ASTN2: variants seen among roughly 807,000 people sequenced by gnomAD.
The protein encoded by ASTN2 is astrotactin 2.
ASTN2 carries 54 observed loss-of-function variants against 139.8 expected under a neutral mutation model. That is an observed-to-expected ratio of 0.39 (90% CI 0.31 to 0.48). ASTN2 has a LOEUF of 0.48. ASTN2 is among the 20% of genes least tolerant of loss of function. The pLI is 0.95. For missense variants in ASTN2, 1,565 were observed against 1,725.1 expected (o/e 0.91, Z 1.64); for synonymous variants, 756 against 719.5 (o/e 1.05, Z -0.81).
chr9:116,965,217 T>C (rs1489171053), intron 10 of ASTN2, among the ~76,000 whole-genome samples: 2 of 152,252 alleles, frequency 1.3e-5, no homozygotes, highest in Non-Finnish European at 2.9e-5. Context: ...GCTCGGTTAA[T>C]GGCTGCCGTC....
chr9:117,403,559 C>T (rs1468143203), intron 1 of ASTN2, among the ~76,000 whole-genome samples: 2 of 152,058 alleles, frequency 1.3e-5, no homozygotes, highest in Non-Finnish European at 2.9e-5. Flanking sequence ...CCCTCCTCCG[C>T]CCTCAGCCAC....
intron 10 of ASTN2, among the ~76,000 whole-genome samples, chr9:116,919,887 G>A (rs112252007): frequency 0.028 from 4,136 of 149,726 alleles, 209 homozygotes; most frequent in African/African-American, 0.098. Flanking sequence ...GCTGCAGTGA[G>A]CTGAGATCAC....
intron 13 of ASTN2, among the ~76,000 whole-genome samples, chr9:116,758,193 A>G (rs1829583862): frequency 6.6e-6 from 1 of 152,204 alleles, no homozygotes; most frequent in Admixed American, 6.5e-5. Context: ...TAAGAAGTCA[A>G]TTAATATTGC....
chr9:117,208,197 T>C (rs892226178), intron 3 of ASTN2, among the ~76,000 whole-genome samples: 2 of 152,046 alleles, frequency 1.3e-5, no homozygotes, highest in Non-Finnish European at 2.9e-5. Context: ...AAAAATTAAA[T>C]AATAATTTTA....
intron 11 of ASTN2, among the ~76,000 whole-genome samples, chr9:116,840,033 GTGTT>G (rs1319498197): frequency 2.0e-5 from 3 of 148,544 alleles, no homozygotes; most frequent in Non-Finnish European, 4.4e-5. Context: ...GCCTTCCACA[GTGTT>G]TGTGTCCCTG....
chr9:117,182,629 G>A (rs1444426115), intron 3 of ASTN2, among the ~76,000 whole-genome samples: 1 of 152,168 alleles, frequency 6.6e-6, no homozygotes, highest in Non-Finnish European at 1.5e-5. Flanking sequence ...CTCAGACTAA[G>A]CTGTTCTCTG....
intron 2 of ASTN2, among the ~76,000 whole-genome samples, chr9:117,227,476 G>GTGGATGGA (rs1018968988): frequency 6.6e-6 from 1 of 152,122 alleles, no homozygotes; most frequent in Non-Finnish European, 1.5e-5. Flanking sequence ...GCAGGGATGG[G>GTGGATGGA]TGGATGGATG....
chr9:116,482,356 TACCCTA>T lies in ASTN2; in HGVS notation c.3497+4997_3497+5002del, dbSNP rs1380020945. ...AAAACAAAACAAAACAAAAAAACAC[TACCCTA>T]TCTCTAGGTTTATCATGAGAATTGA... On this transcript the variant is annotated intron_variant, in intron 20 of 22. Coordinates refer to ENST00000313400, the MANE Select transcript of ASTN2 (RefSeq NM_001365068.1). 3.9e-5 allele frequency among the ~76,000 whole-genome samples: 6 copies of T among 152,084 alleles called. No homozygotes were observed. In the East Asian group the frequency reaches 1.2e-3, roughly 29 times the overall value.
intron 2 of ASTN2, among the ~76,000 whole-genome samples, chr9:117,231,828 G>A (rs746095249): frequency 2.0e-5 from 3 of 152,118 alleles, no homozygotes; most frequent in Non-Finnish European, 2.9e-5. Context: ...CATTTCTCAG[G>A]CCATTACAAA....
intron 16 of ASTN2, among the ~76,000 whole-genome samples, chr9:116,672,818 G>A (rs1404140182): frequency 6.6e-6 from 1 of 152,270 alleles, no homozygotes; most frequent in Non-Finnish European, 1.5e-5. Flanking sequence ...GGGTGGTGTT[G>A]GGGTTCTGTC....
At chr9:117,297,314 G>A (rs1277821407) in intron 1 of ASTN2, among the ~76,000 whole-genome samples, 1 of 152,200 alleles carries the variant, frequency 6.6e-6, no homozygotes, top group Non-Finnish European at 1.5e-5. Flanking sequence ...GAAAGGTAGT[G>A]GTGTTGACTT....
intron 1 of ASTN2, among the ~76,000 whole-genome samples, chr9:117,410,979 T>C (rs1231125845): frequency 6.6e-6 from 1 of 152,196 alleles, no homozygotes; most frequent in Non-Finnish European, 1.5e-5. Flanking sequence ...TTGTTATCCC[T>C]CTCTATTCAG....
chr9:116,690,740 C>G (rs577667095), intron 16 of ASTN2, among the ~76,000 whole-genome samples: 2 of 152,248 alleles, frequency 1.3e-5, no homozygotes, highest in South Asian at 4.2e-4. Flanking sequence ...AGACCTTGGA[C>G]AGGCTACTTT....
rs1029412675 is a variant in ASTN2, at chr9:116,699,915, C to T, written c.2806+25856G>A. The T allele has an allele frequency of 2.9e-6, 2 of 686,860 alleles. No homozygotes were observed. Among genetic ancestry groups the T allele is most frequent in the African/African-American group, 1.8e-5 (1 of 55,232 alleles). The allele number at this position is 686,860 out of a possible 1,614,324, so 42.5% of individuals were successfully genotyped here. ...TAAATTTAGAGCTTTAAAAGATGCA[C>T]TGCCCAAATAGGACACACGATGGTG... On this transcript the variant is annotated intron_variant, in intron 16 of 22. Transcript: ENST00000313400. The surrounding 1 kb of genome is among the most constrained non-coding windows in gnomAD (Gnocchi z 4.2).
chr9:117,016,810 G>GTT (rs1215410319), intron 6 of ASTN2, among the ~76,000 whole-genome samples: 1 of 72,672 alleles, frequency 1.4e-5, no homozygotes. Context: ...TTATATATAT[G>GTT]TTTTATATAT....
At chr9:116,587,783 G>A (rs965062708) in intron 19 of ASTN2, among the ~76,000 whole-genome samples, 1 of 152,170 alleles carries the variant, frequency 6.6e-6, no homozygotes, top group Non-Finnish European at 1.5e-5. Context: ...GACTGTTGTA[G>A]GCAACTGGAT....
chr9:116,452,598 A>G (rs1564286765), intron 20 of ASTN2, among the ~76,000 whole-genome samples: 1 of 152,216 alleles, frequency 6.6e-6, no homozygotes, highest in Non-Finnish European at 1.5e-5. Context: ...CAACTGCCTA[A>G]GGGATGTGTA....
intron 10 of ASTN2, among the ~76,000 whole-genome samples, chr9:116,916,785 T>A (rs1010921499): frequency 1.6e-4 from 24 of 152,066 alleles, no homozygotes; most frequent in African/African-American, 5.8e-4. Flanking sequence ...TGAGCCAAGA[T>A]TGTGCCACTG....
chr9:117,047,788 T>C (rs1157752292), intron 5 of ASTN2, among the ~76,000 whole-genome samples: 1 of 152,208 alleles, frequency 6.6e-6, no homozygotes, highest in African/African-American at 2.4e-5. Flanking sequence ...TATTGTACTT[T>C]GTATAGATTT....
Sources: gnomAD v4.1 joint callset for allele counts (sites outside exome capture counted in the v4.1 genomes callset) on GRCh38, gnomAD v4.1.1 for gene constraint, Gnocchi (gnomAD v3.1) non-coding constraint, MANE v1.5 for transcripts, NCBI Gene and HGNC (gene_info 2026-07-23, HGNC 2026-07-21) for gene names.